TRPC3: variants seen among roughly 807,000 people sequenced by gnomAD.
The protein encoded by TRPC3 is short transient receptor potential channel 3.
A neutral mutation model predicts 90.9 loss-of-function variants in TRPC3; 54 were observed. That is an observed-to-expected ratio of 0.59 (90% CI 0.48 to 0.75). The LOEUF (loss-of-function observed/expected upper bound fraction) is 0.75, where lower values mean the gene tolerates loss of function less well. TRPC3 is among the 30% of genes least tolerant of loss of function. The pLI is 0.00. For synonymous variants in TRPC3, 424 were observed against 450.9 expected, an observed-to-expected ratio of 0.94 and a Z score of 0.75; for missense variants, 918 against 1,194.5, an observed-to-expected ratio of 0.77 and a Z score of 3.41.
At chr4:121,889,594 G>A (rs763699904) in intron 10 of TRPC3, among the ~76,000 whole-genome samples, 21 of 152,044 alleles carry the variant, frequency 1.4e-4, no homozygotes, top group Non-Finnish European at 2.5e-4. Flanking sequence ...GTATGGATGT[G>A]GAGAAAGAGA....
At chr4:121,947,183 CAAAAA>C (rs11457162) in intron 1 of TRPC3, among the ~76,000 whole-genome samples, 1 of 92,032 alleles carries the variant, frequency 1.1e-5, no homozygotes, top group African/African-American at 4.3e-5. Flanking sequence ...GACTCTGTCT[CAAAAA>C]AAAAAAAAAA....
In TRPC3 at chr4:121,914,788, A is replaced by C; in HGVS notation, c.1333T>G (p.Cys445Gly). 1 of 1,606,576 alleles carries C rather than the reference A, an allele frequency of 6.2e-7. No individual in the cohort carries two copies. The highest frequency in any genetic ancestry group is 8.5e-7 in the Non-Finnish European group (1 of 1,174,538). ...FLAIGYWIAP[C>G]SRLGKILRSP... ...ATGTAGAAAGCAAGTACCCTGCTGC[A>C]AGGTGCGATCCAGTAGCCAATGGCC... The change falls in exon 4 of 12, where the codon TGC becomes GGC. Residue 445 changes from cysteine (C) to glycine (G), a missense_variant. By Grantham distance (159) the Cys-to-Gly change is radical (BLOSUM62 -3). Around this residue, in one of 4 missense-constraint regions of TRPC3, gnomAD observed 609 missense variants for 725.9 expected, o/e 0.84. Transcript: ENST00000379645.
chr4:121,937,607 CAATT>C lies in TRPC3; in HGVS notation c.216-4569_216-4566del, dbSNP rs555659387. Among the ~76,000 whole-genome samples, 245 of 152,268 alleles carry C rather than the reference CAATT, an allele frequency of 1.6e-3. 1 individual carries two copies. Among genetic ancestry groups the C allele is most frequent in the Non-Finnish European group, 2.3e-3 (158 of 68,002 alleles). The stretch of plus-strand genomic sequence containing the variant: ...AAAGGTTATTGTATCTTTTCAAAAA[CAATT>C]AAAGAGTTAAAGAGATTGTTCACCA... On this transcript the variant is annotated intron_variant, in intron 1 of 11. Coordinates refer to ENST00000379645, the MANE Select transcript of TRPC3 (RefSeq NM_001130698.2).
At chr4:121,920,254 G>A (rs1317250334) in intron 3 of TRPC3, among the ~76,000 whole-genome samples, 4 of 152,062 alleles carry the variant, frequency 2.6e-5, no homozygotes, top group African/African-American at 9.7e-5. Flanking sequence ...GGACGCAGTG[G>A]CTCACACCTA....
chr4:121,936,630 A>G lies in TRPC3; in HGVS notation c.216-3588T>C, dbSNP rs112697178. ...TTGGAGACAGAGCCTTTGGGAGATT[A>G]TTTTGAAATCATAGGATCATAAAGA... On this transcript the variant is annotated intron_variant, in intron 1 of 11. Coordinates refer to ENST00000379645, the MANE Select transcript of TRPC3 (RefSeq NM_001130698.2). Among the ~76,000 whole-genome samples, 863 of 152,296 alleles carry G rather than the reference A, an allele frequency of 5.7e-3. 11 individuals carry two copies. The highest frequency in any genetic ancestry group is 0.02 in the African/African-American group (825 of 41,560).
At chr4:121,905,964 G>A (rs201753298) in intron 7 of TRPC3, among the ~76,000 whole-genome samples, 10 of 152,012 alleles carry the variant, frequency 6.6e-5, no homozygotes, top group South Asian at 6.2e-4. Context: ...AAATTCTCCC[G>A]CTCCTTCCTC....
intron 10 of TRPC3, among the ~76,000 whole-genome samples, chr4:121,892,439 T>C (rs148135980): frequency 2.1e-4 from 32 of 152,298 alleles, no homozygotes; most frequent in Non-Finnish European, 2.5e-4. Context: ...GTAGAAATAA[T>C]AGGCAGAGCT....
At chr4:121,917,432 T>A (rs1729356980) in intron 3 of TRPC3, among the ~76,000 whole-genome samples, 1 of 152,212 alleles carries the variant, frequency 6.6e-6, no homozygotes, top group African/African-American at 2.4e-5. Flanking sequence ...CTTCATTCAT[T>A]CATTCATTTA....
chr4:121,903,073 A>G lies in TRPC3; in HGVS notation c.2254-12T>C. 6.3e-7 allele frequency: 1 copy of G among 1,579,292 alleles called. No homozygotes were observed. The highest frequency in any genetic ancestry group is 1.2e-5 in the South Asian group (1 of 85,358). On this transcript the variant is annotated splice_polypyrimidine_tract_variant and intron_variant, in intron 8 of 11. Coordinates refer to ENST00000379645, the MANE Select transcript of TRPC3 (RefSeq NM_001130698.2). ...ACATCACTGTCATCCTGTGTCACAAAAATAGAAAAAAAAACTAATTTTAAA... is the reference window on the plus strand; with the variant it reads ...ACATCACTGTCATCCTGTGTCACAAGAATAGAAAAAAAAACTAATTTTAAA...
In TRPC3 at chr4:121,932,963, C is replaced by T; in HGVS notation, c.295G>A (p.Ala99Thr). 6.2e-7 allele frequency: 1 copy of T among 1,613,014 alleles called. No individual in the cohort carries two copies. Among genetic ancestry groups the T allele is most frequent in the Non-Finnish European group, 8.5e-7 (1 of 1,179,518 alleles). Residue 99 changes from alanine to threonine, a missense_variant, in exon 2 of 12, where the codon GCC (alanine) becomes ACC (threonine). Physicochemically the swap from Ala to Thr is moderately conservative, Grantham distance 58. Around this residue, in one of 4 missense-constraint regions of TRPC3, gnomAD observed 609 missense variants for 725.9 expected, o/e 0.84. Transcript: ENST00000379645. This position sits in a 1 kb window ranked among gnomAD's most constrained non-coding sequence, Gnocchi z 7.7. Reference protein sequence around the residue: ...KGRRQAVRGPAFMFNDRGTSL... With the variant: ...KGRRQAVRGPTFMFNDRGTSL... Reference sequence around the variant, plus strand: ...GTGCCGCGGTCATTGAACATGAAGGCCGGGCCCCTGACAGCCTGGCGCCGG... The same window carrying T: ...GTGCCGCGGTCATTGAACATGAAGGTCGGGCCCCTGACAGCCTGGCGCCGG...
At chr4:121,942,454 C>T (rs889749203) in intron 1 of TRPC3, among the ~76,000 whole-genome samples, 9 of 152,072 alleles carry the variant, frequency 5.9e-5, no homozygotes, top group Non-Finnish European at 8.8e-5. Flanking sequence ...CCCAGCTACT[C>T]GGGAGGCTGA....
chr4:121,919,552 A>G (rs1429525964), intron 3 of TRPC3, among the ~76,000 whole-genome samples: 1 of 152,176 alleles, frequency 6.6e-6, no homozygotes, highest in Non-Finnish European at 1.5e-5. Flanking sequence ...GAGGCCACAC[A>G]GTGCAGGACA....
Position 121,936,340 on chromosome 4 carries a change from T to C in TRPC3, c.216-3298A>G, listed in dbSNP as rs149285806. Among the ~76,000 whole-genome samples the C allele has an allele frequency of 2.0e-4, 30 of 152,340 alleles. 1 individual carries two copies. The South Asian group carries it at 2.3e-3, about 12-fold the overall frequency. On this transcript the variant is annotated intron_variant, in intron 1 of 11. Transcript: ENST00000379645. Reference sequence around the variant, plus strand: ...AATGGGGGAGAATGTTTAGCTCTAGTAATGTTAACACTAAAATTATTTTGC... The same window carrying C: ...AATGGGGGAGAATGTTTAGCTCTAGCAATGTTAACACTAAAATTATTTTGC...
intron 1 of TRPC3, among the ~76,000 whole-genome samples, chr4:121,942,926 G>C (rs1329991506): frequency 5.3e-5 from 8 of 152,156 alleles, no homozygotes; most frequent in Non-Finnish European, 1.2e-4. Flanking sequence ...ATGCCTTCTA[G>C]AACTTAGATG....
chr4:121,918,727 G>A (rs773035354), intron 3 of TRPC3, among the ~76,000 whole-genome samples: 1 of 151,882 alleles, frequency 6.6e-6, no homozygotes, highest in African/African-American at 2.4e-5. Context: ...GGATTCTGTC[G>A]ATTCCATTTA....
At position 121,951,912 on chromosome 4, in the gene TRPC3, C is replaced by T. The variant is rs998097123; in HGVS notation, c.-232G>A. On this transcript the variant is annotated 5_prime_UTR_variant, in exon 1 of 12. Transcript: ENST00000379645. The surrounding 1 kb of genome is among the most constrained non-coding windows in gnomAD (Gnocchi z 4.4). ...CACCATCAAACCGTGGGAGCAGCTG[C>T]CGCGGCCGTGGCTGCGACGAGGAAG... Among the ~76,000 whole-genome samples the T allele has an allele frequency of 1.3e-5, 2 of 152,098 alleles. No individual in the cohort carries two copies. Among genetic ancestry groups the T allele is most frequent in the African/African-American group, 4.8e-5 (2 of 41,422 alleles).
intron 3 of TRPC3, among the ~76,000 whole-genome samples, chr4:121,924,548 T>C (rs1160041167): frequency 6.6e-6 from 1 of 152,202 alleles, no homozygotes; most frequent in African/African-American, 2.4e-5. Flanking sequence ...TTTTATTTTA[T>C]TTTTTGAGAC....
chr4:121,883,742 TAAC>T (rs1180670525), intron 10 of TRPC3, among the ~76,000 whole-genome samples: 1 of 152,202 alleles, frequency 6.6e-6, no homozygotes, highest in Non-Finnish European at 1.5e-5. Context: ...TGATTTCTAT[TAAC>T]AAAATTTTAG....
Position 121,876,818 on chromosome 4 carries a change from C to A in TRPC3, c.*2918G>T, listed in dbSNP as rs940668878. On this transcript the variant is annotated 3_prime_UTR_variant, in exon 12 of 12. Coordinates refer to ENST00000379645, the MANE Select transcript of TRPC3 (RefSeq NM_001130698.2). ...AATACAGCAGGCACTTACAAAGTAC[C>A]CAACTTTTCGAACAATAAGTCTAAG... Among the ~76,000 whole-genome samples, 9 of 152,118 alleles carry A rather than the reference C, an allele frequency of 5.9e-5. No individual in the cohort carries two copies. Among genetic ancestry groups the A allele is most frequent in the African/African-American group, 2.2e-4 (9 of 41,496 alleles).
Sources: gnomAD v4.1 joint callset for allele counts (sites outside exome capture counted in the v4.1 genomes callset) on GRCh38, gnomAD v4.1.1 for gene constraint, gnomAD v4.1.1 regional missense constraint, Gnocchi (gnomAD v3.1) non-coding constraint, MANE v1.5 for transcripts, NCBI Gene and HGNC (gene_info 2026-07-23, HGNC 2026-07-21) for gene names.